Variants in VWA3A observed in about 807,000 individuals in gnomAD.
VWA3A encodes von Willebrand factor A domain containing 3A.
Under a neutral mutation model 160.4 loss-of-function variants are expected in VWA3A, and 134 were observed. That is an observed-to-expected ratio of 0.84 (90% CI 0.73 to 0.96). The LOEUF is 0.96. Ranked by LOEUF, VWA3A falls within the 40% of genes least tolerant of loss-of-function variation. The pLI is 0.00. For missense variants in VWA3A, 1,310 were observed against 1,447.9 expected (o/e 0.90, Z 1.55); for synonymous variants, 476 against 543.4 (o/e 0.88, Z 1.72).
At position 22,134,363 on chromosome 16, in the gene VWA3A, T is replaced by C; in HGVS notation, c.2069-5T>C. ...CACCTTGCTCACGATGTGCTTTGTT[T>C]CCAGGCATTTATGAGAGCGATGACA... On this transcript the variant is annotated splice_region_variant and splice_polypyrimidine_tract_variant and intron_variant, in intron 20 of 33. Coordinates refer to ENST00000389398, the MANE Select transcript of VWA3A (RefSeq NM_173615.5). 2 of 1,594,100 alleles carry C rather than the reference T, an allele frequency of 1.3e-6. No homozygotes were observed. Among genetic ancestry groups the C allele is most frequent in the Non-Finnish European group, 1.7e-6 (2 of 1,169,724 alleles).
At chr16:22,109,608 CT>C (rs1446282598) in intron 7 of VWA3A, 28 bp downstream of exon 7, 1 of 1,593,362 alleles carries the variant, frequency 6.3e-7, no homozygotes, top group Non-Finnish European at 8.6e-7. Flanking sequence ...AGAGAAACAC[CT>C]GGAACCACCC....
In VWA3A at chr16:22,148,141, TC is replaced by T; in HGVS notation, c.2840-17del. On this transcript the variant is annotated intron_variant, in intron 27 of 33. Transcript: ENST00000389398. ...GACCCCTCACTCCCTCCCTGCCTCT[TC>T]CCCACCTGTCTCGGAGCAGGGAGCC... 6.3e-7 allele frequency: 1 copy of T among 1,582,914 alleles called. No individual in the cohort carries two copies. The highest frequency in any genetic ancestry group is 1.8e-5 in the Admixed American group (1 of 55,352).
Position 22,100,224 on chromosome 16 carries a change from G to C in VWA3A, c.256G>C (p.Asp86His). 1 of 1,550,492 alleles carries C rather than the reference G, an allele frequency of 6.4e-7. No individual in the cohort carries two copies. The highest frequency in any genetic ancestry group is 8.7e-7 in the Non-Finnish European group (1 of 1,146,896). ...GCAGGGGAGTGAGACCCAGTCTTCA[G>C]ATTGGGAGGACTCTGAAGACTGGCT... ...RLQGSETQSS[D>H]WEDSEDWLSA... Residue 86 changes from aspartate to histidine, a missense_variant, in exon 4 of 34, where the codon GAT becomes CAT. Transcript: ENST00000389398.
chr16:22,144,498 T>TC, intron 26 of VWA3A, 114 bp downstream of exon 26: 5 of 1,426,380 alleles, frequency 3.5e-6, no homozygotes, highest in Non-Finnish European at 4.7e-6. Context: ...ACTGCCCTCC[T>TC]CCCCAAAGTG....
At chr16:22,139,368 C>T (rs936477438) in intron 22 of VWA3A, among the ~76,000 whole-genome samples, 7 of 152,168 alleles carry the variant, frequency 4.6e-5, no homozygotes, top group East Asian at 1.9e-4. Flanking sequence ...ACACTCCAGT[C>T]GTGGCTGAGA....
chr16:22,141,490 T>G, intron 23 of VWA3A, 92 bp from the exon 24 acceptor site: 1 of 1,175,096 alleles, frequency 8.5e-7, no homozygotes, highest in Non-Finnish European at 1.2e-6. Context: ...GGGTGGAGTA[T>G]AGCTGAACTT....
chr16:22,116,411 CAA>C, intron 9 of VWA3A: 1 of 271,508 alleles, frequency 3.7e-6, no homozygotes, highest in East Asian at 1.1e-4. Flanking sequence ...GAGAGAAAAA[CAA>C]AGGAAAAAGG....
intron 8 of VWA3A, among the ~76,000 whole-genome samples, chr16:22,113,363 CT>C (rs569069206): frequency 4.4e-3 from 204 of 46,206 alleles, no homozygotes; most frequent in East Asian, 0.034. Context: ...GGCTAATTTT[CT>C]TTTTTTTTTT....
At chr16:22,132,708 G>C (rs1163988874) in intron 19 of VWA3A, 192 bp from the exon 20 acceptor site, 2 of 595,928 alleles carry the variant, frequency 3.4e-6, no homozygotes, top group African/African-American at 3.7e-5. Context: ...CTCAGGTCCA[G>C]CTCCCCAACC....
intron 1 of VWA3A, 72 bp from the exon 2 acceptor site, chr16:22,096,787 T>C (rs923345827): frequency 9.9e-7 from 1 of 1,010,580 alleles, no homozygotes; most frequent in Admixed American, 2.3e-5. Flanking sequence ...TTGTGCTGAA[T>C]ATAGATACCC....
At chr16:22,141,082 G>C in intron 23 of VWA3A, 1 of 414,356 alleles carries the variant, frequency 2.4e-6, no homozygotes, top group Non-Finnish European at 4.9e-6. Flanking sequence ...TACTGACAAA[G>C]GAACTGAGGC....
intron 11 of VWA3A, 103 bp from the exon 12 acceptor site, chr16:22,118,799 G>T: frequency 6.7e-7 from 1 of 1,497,098 alleles, no homozygotes; most frequent in South Asian, 1.3e-5. Context: ...GAGAGAGTCT[G>T]ACCCTCTGCC....
At position 22,132,977 on chromosome 16, in the gene VWA3A, C is replaced by T. The variant is rs377509870; in HGVS notation, c.1950C>T (p.Gly650=). 3.7e-5 allele frequency: 60 copies of T among 1,613,832 alleles called. No homozygotes were observed. The highest frequency in any genetic ancestry group is 8.8e-5 in the South Asian group (8 of 91,084). ...TGAACGTGTGTCTCTTCTACGTGGG[C>T]GAGCCAAAGATGGACACCACACCCC... The part of the protein sequence containing the change: ...LQLNVCLFYV[G]EPKMDTTPPA... Residue 650 remains glycine (G), a synonymous_variant, in exon 20 of 34, where the codon GGC becomes GGT. Transcript: ENST00000389398.
chr16:22,143,539 T>C (rs964564828), intron 25 of VWA3A, among the ~76,000 whole-genome samples: 1 of 152,112 alleles, frequency 6.6e-6, no homozygotes, highest in South Asian at 2.1e-4. Flanking sequence ...ATTATCCTAA[T>C]TGGCTTAGAG....
intron 12 of VWA3A, among the ~76,000 whole-genome samples, chr16:22,119,499 C>T (rs1042066588): frequency 2.6e-5 from 4 of 152,052 alleles, no homozygotes; most frequent in African/African-American, 4.8e-5. Flanking sequence ...GGCAAAACAC[C>T]GTCTCTACAA....
At chr16:22,154,814 C>T (rs537218808) in intron 31 of VWA3A, among the ~76,000 whole-genome samples, 31 of 150,232 alleles carry the variant, frequency 2.1e-4, no homozygotes, top group African/African-American at 5.6e-4. Flanking sequence ...ATTAGCCGGG[C>T]GCGGTGGCGG....
chr16:22,124,116 G>T (rs2045797536), intron 16 of VWA3A, among the ~76,000 whole-genome samples: 2 of 148,588 alleles, frequency 1.3e-5, no homozygotes, highest in South Asian at 4.5e-4. Flanking sequence ...AGGGGCTCAA[G>T]GCTGCAGTGG....
rs201413197 is a variant in VWA3A, at chr16:22,139,702, AAAAC to A, written c.2293-440_2293-437del. On this transcript the variant is annotated intron_variant, in intron 22 of 33. Transcript: ENST00000389398. ...AGAGCCAGACTCCATCTCAAAAAAG[AAAAC>A]AAACAAACAAAAAAAAACTGAGGTG... Among the ~76,000 whole-genome samples, 1,202 of 152,194 alleles carry A rather than the reference AAAAC, an allele frequency of 7.9e-3. 20 individuals carry two copies. The highest frequency in any genetic ancestry group is 0.027 in the African/African-American group (1,138 of 41,498).
chr16:22,156,225 A>C lies in VWA3A; in HGVS notation c.*208A>C. On this transcript the variant is annotated 3_prime_UTR_variant, in exon 34 of 34. Transcript: ENST00000389398. ...ATCTAACTCTCCAGCCCTGTCCCGCAGCGCACTCTACTCTCCAGCCACTAG... is the reference window on the plus strand; with the variant it reads ...ATCTAACTCTCCAGCCCTGTCCCGCCGCGCACTCTACTCTCCAGCCACTAG... 1 of 336,560 alleles carries C rather than the reference A, an allele frequency of 3.0e-6. No homozygotes were observed. The highest frequency in any genetic ancestry group is 5.5e-6 in the Non-Finnish European group (1 of 182,668). The allele number at this position is 336,560 out of a possible 1,614,324, so 20.8% of individuals were successfully genotyped here.
Sources: allele counts gnomAD v4.1 joint callset (sites outside exome capture counted in the v4.1 genomes callset), GRCh38; gene constraint gnomAD v4.1.1; transcripts MANE v1.5; gene names NCBI Gene and HGNC (gene_info 2026-07-23, HGNC 2026-07-21).